Variants in ABL1 observed in about 807,000 individuals in gnomAD.
ABL1 encodes the protein ABL proto-oncogene 1, non-receptor tyrosine kinase, also known as tyrosine-protein kinase ABL1.
Under a neutral mutation model 94.7 loss-of-function variants are expected in ABL1, and 11 were observed. The observed-to-expected ratio is 0.12, with a 90% CI of 0.07 to 0.19. ABL1 has a LOEUF of 0.19. Ranked by LOEUF, ABL1 falls within the 10% of genes least tolerant of loss-of-function variation. The probability of loss-of-function intolerance (pLI) is 1.00; values close to 1 mark genes in which losing one functional copy is unlikely to be tolerated. For synonymous variants in ABL1, 656 were observed against 622.4 expected, an observed-to-expected ratio of 1.05 and a Z score of -0.80; for missense variants, 1,082 against 1,489.4, an observed-to-expected ratio of 0.73 and a Z score of 4.50.
intron 6 of ABL1, among the ~76,000 whole-genome samples, chr9:130,874,114 G>A (rs893144831): frequency 9.9e-5 from 15 of 152,148 alleles, no homozygotes; most frequent in Admixed American, 7.9e-4. Context: ...TCTTGTTGCT[G>A]ACGATCAGGC....
intron 1 of ABL1, among the ~76,000 whole-genome samples, chr9:130,836,233 TAAGTG>T (rs925524713): frequency 6.6e-6 from 1 of 152,236 alleles, no homozygotes; most frequent in Non-Finnish European, 1.5e-5. Flanking sequence ...TTCGTTTCCT[TAAGTG>T]AAGCTCAGGG....
intron 1 of ABL1, among the ~76,000 whole-genome samples, chr9:130,818,907 A>T (rs1331873286): frequency 6.6e-6 from 1 of 152,178 alleles, no homozygotes; most frequent in East Asian, 1.9e-4. Context: ...CGCTTTCCTA[A>T]CACCTGCAGG....
At chr9:130,803,686 CACTTTT>C (rs1830085923) in intron 1 of ABL1, among the ~76,000 whole-genome samples, 1 of 152,144 alleles carries the variant, frequency 6.6e-6, no homozygotes, top group African/African-American at 2.4e-5. Flanking sequence ...ATTCTGATTT[CACTTTT>C]TGTATATCAT....
At chr9:130,867,397 C>G (rs959944469) in intron 4 of ABL1, among the ~76,000 whole-genome samples, 1 of 152,092 alleles carries the variant, frequency 6.6e-6, no homozygotes, top group Non-Finnish European at 1.5e-5. Context: ...CTCTTATTTC[C>G]AATATTTTGC....
In ABL1 at chr9:130,854,149, C is replaced by G; in HGVS notation, c.165C>G (p.Leu55=). ...GTTGGAACTCCAAGGAAAACCTTCT[C>G]GCTGGACCCAGTGAAAATGACCCCA... is the stretch of plus-strand genomic sequence containing the variant. ...AARWNSKENL[L]AGPSENDPNL... is the part of the protein sequence containing the mutation. Residue 55 remains leucine (L), a synonymous_variant, in exon 2 of 11, where the codon CTC becomes CTG. Transcript: ENST00000318560. 6.2e-7 allele frequency: 1 copy of G among 1,614,174 alleles called. No homozygotes were observed. The highest frequency in any genetic ancestry group is 8.5e-7 in the Non-Finnish European group (1 of 1,180,030).
At chr9:130,733,750 C>A (rs964957071) in intron 1 of ABL1, among the ~76,000 whole-genome samples, 1 of 151,774 alleles carries the variant, frequency 6.6e-6, no homozygotes, top group Non-Finnish European at 1.5e-5. Context: ...GCCACCACGC[C>A]CGGCTAACTT....
At chr9:130,867,935 T>C (rs1831183608) in intron 4 of ABL1, among the ~76,000 whole-genome samples, 3 of 128,876 alleles carry the variant, frequency 2.3e-5, no homozygotes, top group South Asian at 4.5e-4. Flanking sequence ...ATCCCTCCAG[T>C]GGTTTTTTTT....
intron 1 of ABL1, among the ~76,000 whole-genome samples, chr9:130,818,393 C>T (rs185237021): frequency 1.7e-4 from 26 of 152,222 alleles, no homozygotes; most frequent in Admixed American, 5.2e-4. Context: ...TCACTTGAAC[C>T]CTGGAGGAAG....
chr9:130,853,170 CTTTTTTTTTTTTTT>C (rs11418318), intron 1 of ABL1, among the ~76,000 whole-genome samples: 36 of 75,338 alleles, frequency 4.8e-4, no homozygotes, highest in African/African-American at 1.8e-3. Flanking sequence ...TTTGACTTTT[CTTTTTTTTTTTTTT>C]TTTTTTTTTG....
At chr9:130,838,765 T>C (rs1428695524) in intron 1 of ABL1, among the ~76,000 whole-genome samples, 1 of 152,248 alleles carries the variant, frequency 6.6e-6, no homozygotes, top group African/African-American at 2.4e-5. Flanking sequence ...ATTCAGGGTT[T>C]TCTTTTCATT....
intron 7 of ABL1, among the ~76,000 whole-genome samples, chr9:130,876,411 C>CTTTTTTTTTTTTT (rs60634610): frequency 7.0e-6 from 1 of 142,492 alleles, no homozygotes; most frequent in African/African-American, 2.6e-5. Flanking sequence ...ATTACTTTTT[C>CTTTTTTTTTTTTT]TTTTTTTTTT....
chr9:130,880,988 G>C lies in ABL1; in HGVS notation c.1678+324G>C, dbSNP rs1242891524. On this transcript the variant is annotated intron_variant, in intron 10 of 10. Transcript: ENST00000318560. This position sits in a 1 kb window ranked among gnomAD's most constrained non-coding sequence, Gnocchi z 4.4. ...CATCTGTGGTTGCTGTCTCAGAGCA[G>C]ATTCAACAATAGTAAGCACCAGGCT... Among the ~76,000 whole-genome samples, 4 of 152,220 alleles carry C rather than the reference G, an allele frequency of 2.6e-5. No homozygotes were observed. The highest frequency in any genetic ancestry group is 6.5e-5 in the Admixed American group (1 of 15,286).
At chr9:130,867,191 C>T (rs1378745612) in intron 4 of ABL1, among the ~76,000 whole-genome samples, 4 of 152,180 alleles carry the variant, frequency 2.6e-5, no homozygotes, top group Non-Finnish European at 5.9e-5. Context: ...TTGTCCCACC[C>T]TCGAGTTCTG....
chr9:130,874,544 TCA>T (rs1831308336), intron 6 of ABL1, among the ~76,000 whole-genome samples: 1 of 152,180 alleles, frequency 6.6e-6, no homozygotes, highest in South Asian at 2.1e-4. Context: ...TTAATTACAC[TCA>T]CAGCAACCCT....
chr9:130,782,925 T>C (rs986922517), intron 1 of ABL1, among the ~76,000 whole-genome samples: 4 of 152,234 alleles, frequency 2.6e-5, no homozygotes, highest in Admixed American at 2.0e-4. Flanking sequence ...ATTCATCAAC[T>C]CTTAACACTT....
At position 130,863,601 on chromosome 9, in the gene ABL1, A is replaced by G. The variant is rs1831110287; in HGVS notation, c.822+566A>G. The stretch of plus-strand genomic sequence containing the variant: ...ACTCGCTTTTGACCAACTCAGATAC[A>G]GTCTGGTCTTTCTTGTTAACTGGGA... On this transcript the variant is annotated intron_variant, in intron 4 of 10. Transcript: ENST00000318560. This position sits in a 1 kb window ranked among gnomAD's most constrained non-coding sequence, Gnocchi z 4.3. 6.6e-6 allele frequency among the ~76,000 whole-genome samples: 1 copy of G among 152,194 alleles called. No individual in the cohort carries two copies.
chr9:130,843,318 TGTA>T (rs1486906412), intron 1 of ABL1, among the ~76,000 whole-genome samples: 1 of 152,188 alleles, frequency 6.6e-6, no homozygotes. Flanking sequence ...GCGGTTGTTC[TGTA>T]GTGAGCATCC....
intron 1 of ABL1, among the ~76,000 whole-genome samples, chr9:130,795,227 G>A (rs1829959700): frequency 6.6e-6 from 1 of 152,158 alleles, no homozygotes; most frequent in South Asian, 2.1e-4. Flanking sequence ...CAAAAAACAG[G>A]AAGGATGCCC....
rs560085229 is a variant in ABL1 at position 130,785,739 on chromosome 9, A to G, written c.137-68325A>G. On this transcript the variant is annotated intron_variant, in intron 1 of 10. Coordinates refer to the ABL1 transcript ENST00000372348. ...GGAGTTCGAGAGCAACCTGGCCAAC[A>G]TGGTGAAACCCCGTCTCTACTAAAA... Among the ~76,000 whole-genome samples, 7 of 152,014 alleles carry G rather than the reference A, an allele frequency of 4.6e-5. No homozygotes were observed. In the South Asian group the frequency reaches 1.5e-3, roughly 32 times the overall value.
Sources: allele counts gnomAD v4.1 joint callset (sites outside exome capture counted in the v4.1 genomes callset), GRCh38; gene constraint gnomAD v4.1.1; non-coding constraint Gnocchi (gnomAD v3.1); transcripts MANE v1.5; gene names NCBI Gene and HGNC (gene_info 2026-07-23, HGNC 2026-07-21).